RUNDC3B: variants seen among roughly 807,000 people sequenced by gnomAD.
RUNDC3B encodes the protein RUN domain containing 3B.
A neutral mutation model predicts 58.4 loss-of-function variants in RUNDC3B; 33 were observed. The observed-to-expected ratio is 0.56, with a 90% CI of 0.43 to 0.75. The LOEUF (loss-of-function observed/expected upper bound fraction) is 0.75. Among genes scored for constraint, RUNDC3B ranks in the 30% least tolerant of loss-of-function variants. The pLI is 0.00. For synonymous variants in RUNDC3B, 193 were observed against 195.2 expected (o/e 0.99, Z 0.10); for missense variants, 501 against 535.7 (o/e 0.94, Z 0.64).
At chr7:87,736,273 A>G (rs1831926238) in intron 4 of RUNDC3B, among the ~76,000 whole-genome samples, 1 of 152,186 alleles carries the variant, frequency 6.6e-6, no homozygotes, top group Non-Finnish European at 1.5e-5. Context: ...TGACTCCCAC[A>G]AAAGGAAAAT....
intron 10 of RUNDC3B, among the ~76,000 whole-genome samples, chr7:87,828,577 G>A (rs1348280265): frequency 1.3e-5 from 2 of 152,204 alleles, no homozygotes; most frequent in East Asian, 1.9e-4. Context: ...TGGCTGCATA[G>A]TAGTCCATGG....
intron 1 of RUNDC3B, among the ~76,000 whole-genome samples, chr7:87,649,645 A>G (rs10486996): frequency 0.031 from 4,746 of 152,288 alleles, 73 homozygotes; most frequent in Middle Eastern, 0.048. Flanking sequence ...TACACTTTAC[A>G]GATTTGCAGG....
chr7:87,800,151 A>G (rs1210872482), intron 8 of RUNDC3B, among the ~76,000 whole-genome samples: 1 of 152,166 alleles, frequency 6.6e-6, no homozygotes, highest in Non-Finnish European at 1.5e-5. Context: ...CAGGGGTTAG[A>G]TCCTTATAAA....
chr7:87,634,494 TG>T (rs58092989), intron 1 of RUNDC3B, among the ~76,000 whole-genome samples: 42,911 of 73,100 alleles, frequency 0.59, 9,693 homozygotes, highest in South Asian at 0.73. Context: ...TGGTGGGGGG[TG>T]GGGGGGGGGG....
At chr7:87,776,735 T>C (rs1834658372) in intron 7 of RUNDC3B, among the ~76,000 whole-genome samples, 1 of 151,952 alleles carries the variant, frequency 6.6e-6, no homozygotes, top group Non-Finnish European at 1.5e-5. Context: ...GATTTTATTA[T>C]AGAAGAGCAA....
At chr7:87,818,556 A>G (rs888828580) in intron 10 of RUNDC3B, among the ~76,000 whole-genome samples, 1 of 152,198 alleles carries the variant, frequency 6.6e-6, no homozygotes, top group African/African-American at 2.4e-5. Context: ...CATATCCTAT[A>G]CAAATATAAT....
intron 8 of RUNDC3B, among the ~76,000 whole-genome samples, chr7:87,793,466 TATC>T (rs1835638600): frequency 6.6e-6 from 1 of 151,984 alleles, no homozygotes; most frequent in Non-Finnish European, 1.5e-5. Flanking sequence ...ACACTAAAAA[TATC>T]ATTCATCATG....
At chr7:87,653,518 A>T (rs909594777) in intron 2 of RUNDC3B, among the ~76,000 whole-genome samples, 8 of 152,080 alleles carry the variant, frequency 5.3e-5, no homozygotes, top group African/African-American at 1.9e-4. Context: ...GGGGACATAT[A>T]GTCTTTGCCT....
chr7:87,634,467 C>A (rs1187212996), intron 1 of RUNDC3B, among the ~76,000 whole-genome samples: 1 of 94,742 alleles, frequency 1.1e-5, no homozygotes, highest in Non-Finnish European at 2.0e-5. Context: ...ACTAAAAATA[C>A]AAACAGTCAG....
intron 8 of RUNDC3B, among the ~76,000 whole-genome samples, chr7:87,793,461 A>G (rs1205365335): frequency 6.6e-6 from 1 of 152,140 alleles, no homozygotes; most frequent in African/African-American, 2.4e-5. Context: ...ACAATACACT[A>G]AAAATATCAT....
At chr7:87,739,696 C>T in intron 4 of RUNDC3B, 95 bp from the exon 5 acceptor site, 2 of 463,172 alleles carry the variant, frequency 4.3e-6, no homozygotes, top group Non-Finnish European at 7.6e-6. Context: ...TAAAATTTAG[C>T]TCTTCCTACA....
At chr7:87,703,712 A>G in intron 3 of RUNDC3B, among the ~76,000 whole-genome samples, 1 of 151,714 alleles carries the variant, frequency 6.6e-6, no homozygotes, top group East Asian at 1.9e-4. Context: ...TCCTATTGTT[A>G]TTACATATTA....
intron 4 of RUNDC3B, among the ~76,000 whole-genome samples, chr7:87,718,307 A>T (rs957580885): frequency 1.3e-5 from 2 of 152,138 alleles, no homozygotes; most frequent in African/African-American, 4.8e-5. Flanking sequence ...CTCATTAGGG[A>T]TTTAGTGCCT....
chr7:87,829,863 G>T (rs1357003564), intron 10 of RUNDC3B, 22 bp from the exon 11 acceptor site: 2 of 1,530,366 alleles, frequency 1.3e-6, no homozygotes, highest in African/African-American at 2.8e-5. Context: ...TTAATTATTT[G>T]CTATTTAATT....
intron 6 of RUNDC3B, among the ~76,000 whole-genome samples, chr7:87,758,110 G>C (rs2130847898): frequency 6.6e-6 from 1 of 152,250 alleles, no homozygotes; most frequent in Non-Finnish European, 1.5e-5. Context: ...TTTGAAGTCA[G>C]GAGTTTGAGA....
At chr7:87,629,947 A>T (rs992158560) in intron 1 of RUNDC3B, among the ~76,000 whole-genome samples, 1 of 151,946 alleles carries the variant, frequency 6.6e-6, no homozygotes, top group South Asian at 2.1e-4. Context: ...AACTATTTAT[A>T]GTAAGCCTAG....
chr7:87,681,174 G>T (rs1826894302), intron 2 of RUNDC3B, among the ~76,000 whole-genome samples: 1 of 150,586 alleles, frequency 6.6e-6, no homozygotes, highest in African/African-American at 2.5e-5. Context: ...ATCTATTAAA[G>T]AAGTTGAATC....
At chr7:87,822,753 C>T (rs1837551909) in intron 10 of RUNDC3B, among the ~76,000 whole-genome samples, 1 of 152,100 alleles carries the variant, frequency 6.6e-6, no homozygotes, top group Non-Finnish European at 1.5e-5. Context: ...ATGGATGAAA[C>T]TGGAAACCAT....
At chr7:87,789,341 A>T (rs1482722122) in intron 8 of RUNDC3B, among the ~76,000 whole-genome samples, 1 of 152,238 alleles carries the variant, frequency 6.6e-6, no homozygotes, top group Non-Finnish European at 1.5e-5. Context: ...TAAGTAAAGA[A>T]TAATTCATTG....
Sources: allele counts gnomAD v4.1 joint callset (sites outside exome capture counted in the v4.1 genomes callset), GRCh38; gene constraint gnomAD v4.1.1; transcripts MANE v1.5; gene names NCBI Gene and HGNC (gene_info 2026-07-23, HGNC 2026-07-21).